Variants in RAD50 observed in about 807,000 individuals in gnomAD.
RAD50 encodes RAD50 double strand break repair protein.
A neutral mutation model predicts 168.8 loss-of-function variants in RAD50; 132 were observed. The ratio of observed to expected loss-of-function variants is 0.78; its 90% confidence interval spans 0.68 to 0.90. The LOEUF (loss-of-function observed/expected upper bound fraction) is 0.90, where lower values mean the gene tolerates loss of function less well. Ranked by LOEUF, RAD50 falls within the 40% of genes least tolerant of loss-of-function variation. The probability of loss-of-function intolerance (pLI) is 0.00; values close to 1 mark genes in which losing one functional copy is unlikely to be tolerated. For missense variants in RAD50, 1,347 were observed against 1,534.4 expected (o/e 0.88, Z 2.04); for synonymous variants, 525 against 497.4 (o/e 1.06, Z -0.74).
chr5:132,640,086 T>TAACA (rs896925769), intron 23 of RAD50, among the ~76,000 whole-genome samples: 10 of 152,198 alleles, frequency 6.6e-5, no homozygotes, highest in African/African-American at 2.2e-4. Context: ...CGAAAATGCC[T>TAACA]AACAGTTCCA....
intron 19 of RAD50, among the ~76,000 whole-genome samples, chr5:132,613,627 G>T (rs1751126663): frequency 7.8e-6 from 1 of 128,890 alleles, no homozygotes; most frequent in Non-Finnish European, 1.6e-5. Context: ...TAAATTAGAT[G>T]GAGTCTTGCT....
chr5:132,574,929 A>G (rs1750367074), intron 2 of RAD50, among the ~76,000 whole-genome samples: 1 of 152,154 alleles, frequency 6.6e-6, no homozygotes, highest in African/African-American at 2.4e-5. Flanking sequence ...CCATATCCTC[A>G]TCAGCATTTT....
intron 2 of RAD50, among the ~76,000 whole-genome samples, chr5:132,569,188 T>TA (rs1363302279): frequency 6.6e-6 from 1 of 152,166 alleles, no homozygotes; most frequent in Non-Finnish European, 1.5e-5. Context: ...TTATAACTCT[T>TA]ATAAATATGC....
intron 2 of RAD50, among the ~76,000 whole-genome samples, chr5:132,566,133 A>C (rs961187949): frequency 1.1e-4 from 17 of 152,214 alleles, no homozygotes; most frequent in Non-Finnish European, 2.2e-4. Context: ...TTAATAATTC[A>C]ATCTAAATTA....
At chr5:132,566,028 A>G (rs2706344) in intron 2 of RAD50, among the ~76,000 whole-genome samples, 10,675 of 152,212 alleles carry the variant, frequency 0.07, 1,181 homozygotes, top group African/African-American at 0.24. Flanking sequence ...ATGGTTTTAC[A>G]ACTAGATTGT....
At chr5:132,637,239 C>A in intron 22 of RAD50, 39 bp downstream of exon 22, 1 of 1,592,790 alleles carries the variant, frequency 6.3e-7, no homozygotes, top group Non-Finnish European at 8.6e-7. Context: ...CTTTCCAAAG[C>A]CCTCTCCGCA....
At chr5:132,610,129 C>T (rs542493020) in intron 19 of RAD50, among the ~76,000 whole-genome samples, 2 of 151,888 alleles carry the variant, frequency 1.3e-5, no homozygotes, top group Non-Finnish European at 2.9e-5. Flanking sequence ...TACCTATCAA[C>T]TCACAGATGT....
At chr5:132,633,389 G>GC (rs1751512414) in intron 21 of RAD50, among the ~76,000 whole-genome samples, 1 of 151,970 alleles carries the variant, frequency 6.6e-6, no homozygotes, top group African/African-American at 2.4e-5. Context: ...ACAGGTGTGA[G>GC]CCACCGCACC....
chr5:132,604,156 C>T (rs1750939308), intron 15 of RAD50, 110 bp downstream of exon 15: 10 of 1,342,782 alleles, frequency 7.4e-6, no homozygotes, highest in Non-Finnish European at 1.0e-5. Context: ...TCCTTCCTGT[C>T]CACATATATT....
At position 132,643,025 on chromosome 5, in the gene RAD50, C is replaced by T. The variant is rs1401628295; in HGVS notation, c.*661C>T. The T allele has an allele frequency of 1.9e-6, 1 of 528,704 alleles. No homozygotes were observed. The highest frequency in any genetic ancestry group is 1.9e-5 in the African/African-American group (1 of 52,666). The allele number at this position is 528,704 out of a possible 1,614,324, so 32.8% of individuals were successfully genotyped here. ...TCCAGATGGTCATCCAGACTCAGAGCTCTCTCTACAGAGAGGAAATTCTCC... is the reference window on the plus strand; with the variant it reads ...TCCAGATGGTCATCCAGACTCAGAGTTCTCTCTACAGAGAGGAAATTCTCC... On this transcript the variant is annotated 3_prime_UTR_variant, in exon 25 of 25. Transcript: ENST00000378823.
intron 19 of RAD50, 32 bp downstream of exon 19, chr5:132,609,428 A>T (rs775804208): frequency 6.2e-7 from 1 of 1,611,018 alleles, no homozygotes; most frequent in Non-Finnish European, 8.5e-7. Flanking sequence ...TATCACTTAC[A>T]CCTATGACAT....
At chr5:132,618,011 C>A in intron 20 of RAD50, 59 bp from the exon 21 acceptor site, 1 of 1,358,278 alleles carries the variant, frequency 7.4e-7, no homozygotes, top group Non-Finnish European at 1.1e-6. Flanking sequence ...ATGACTTTTC[C>A]ACTTCAGGTT....
rs1750480119 is a variant in RAD50 at position 132,580,075 on chromosome 5, A to C, written c.756+9A>C. On this transcript the variant is annotated intron_variant, in intron 5 of 24. Transcript: ENST00000378823. ...AACTTGATCCATTGAAGGTAACTTG[A>C]TTTTATTTTTAATTGACAAAAATTG... 1 of 1,598,192 alleles carries C rather than the reference A, an allele frequency of 6.3e-7. No homozygotes were observed. Among genetic ancestry groups the C allele is most frequent in the South Asian group, 1.1e-5 (1 of 90,654 alleles).
intron 16 of RAD50, among the ~76,000 whole-genome samples, chr5:132,607,518 C>T (rs1751005983): frequency 6.6e-6 from 1 of 152,060 alleles, no homozygotes. Context: ...AAGTATATTA[C>T]TGAATAATTA....
At chr5:132,632,100 C>T (rs1010015174) in intron 21 of RAD50, among the ~76,000 whole-genome samples, 2 of 152,210 alleles carry the variant, frequency 1.3e-5, no homozygotes, top group Middle Eastern at 3.2e-3. Flanking sequence ...GTGTTCTAAC[C>T]AAACAATTTT....
intron 13 of RAD50, among the ~76,000 whole-genome samples, chr5:132,602,107 A>G (rs1750899822): frequency 6.6e-6 from 1 of 152,208 alleles, no homozygotes. Context: ...CTGCACGTGT[A>G]TCCCAGAACT....
chr5:132,642,344 C>G lies in RAD50; in HGVS notation c.3919C>G (p.Leu1307Val), dbSNP rs1251940969. ...SEIVKCSVSS[L>V]GFNVH is the part of the protein sequence containing the mutation. ...GATTGTGAAATGCAGTGTTAGCTCC[C>G]TGGGATTCAATGTTCATTAAAAATA... Residue 1307 changes from leucine to valine, a missense_variant, in exon 25 of 25, where the codon CTG (leucine) becomes GTG (valine). Leu to Val is a conservative substitution (Grantham distance 32). This residue lies in a region of RAD50 where 635 missense variants were observed against 739.2 expected (regional missense o/e 0.86). Coordinates refer to ENST00000378823, the MANE Select transcript of RAD50 (RefSeq NM_005732.4). The G allele has an allele frequency of 6.2e-7, 1 of 1,613,722 alleles. No homozygotes were observed. The highest frequency in any genetic ancestry group is 1.1e-5 in the South Asian group (1 of 91,028).
chr5:132,607,347 A>C (rs1751002579), intron 16 of RAD50, among the ~76,000 whole-genome samples: 1 of 152,218 alleles, frequency 6.6e-6, no homozygotes, highest in African/African-American at 2.4e-5. Context: ...ATGTGGTTTC[A>C]GAACCCTTAC....
At chr5:132,614,267 A>G (rs78641293) in intron 19 of RAD50, among the ~76,000 whole-genome samples, 4,281 of 152,330 alleles carry the variant, frequency 0.028, 81 homozygotes, top group Admixed American at 0.052. Flanking sequence ...GGGGTATTAG[A>G]TGAAAGTAAG....
Sources: allele counts gnomAD v4.1 joint callset (sites outside exome capture counted in the v4.1 genomes callset), GRCh38; gene constraint gnomAD v4.1.1; regional missense constraint gnomAD v4.1.1; transcripts MANE v1.5; gene names NCBI Gene and HGNC (gene_info 2026-07-23, HGNC 2026-07-21).